The following DTNA variants were observed in gnomAD, a reference collection of about 807,000 sequenced individuals.
The protein encoded by DTNA is dystrobrevin alpha.
A neutral mutation model predicts 100.7 loss-of-function variants in DTNA; 43 were observed. The observed-to-expected ratio is 0.43, with a 90% confidence interval of 0.33 to 0.55. The LOEUF (loss-of-function observed/expected upper bound fraction) is 0.55, where lower values mean the gene tolerates loss of function less well. DTNA is among the 20% of genes least tolerant of loss of function. The pLI, the probability that DTNA is intolerant of heterozygous loss-of-function variation, is 0.04. For missense variants in DTNA, 798 were observed against 953.9 expected (o/e 0.84, Z 2.15); for synonymous variants, 349 against 347.9 (o/e 1.00, Z -0.04).
chr18:34,805,424 A>G (rs1211674985), intron 4 of DTNA, among the ~76,000 whole-genome samples: 1 of 152,226 alleles, frequency 6.6e-6, no homozygotes, highest in East Asian at 1.9e-4. Flanking sequence ...TCCCGGGTTC[A>G]AGCGATTCTT....
intron 1 of DTNA, among the ~76,000 whole-genome samples, chr18:34,661,777 A>C (rs1016765731): frequency 6.6e-6 from 1 of 152,174 alleles, no homozygotes; most frequent in African/African-American, 2.4e-5. Context: ...GATAATGGTC[A>C]GTGAGATCAT....
chr18:34,744,012 AT>A (rs1224001246), intron 1 of DTNA, among the ~76,000 whole-genome samples: 1 of 152,102 alleles, frequency 6.6e-6, no homozygotes, highest in East Asian at 1.9e-4. Flanking sequence ...CACAAGAGCC[AT>A]TATTATTTCC....
At chr18:34,586,972 T>A in intron 1 of DTNA, among the ~76,000 whole-genome samples, 1 of 152,004 alleles carries the variant, frequency 6.6e-6, no homozygotes, top group Non-Finnish European at 1.5e-5. Flanking sequence ...TTTAGTTTTT[T>A]TTTTTTGGAG....
intron 2 of DTNA, among the ~76,000 whole-genome samples, chr18:34,763,674 A>C (rs1363015233): frequency 6.6e-6 from 1 of 152,200 alleles, no homozygotes; most frequent in Non-Finnish European, 1.5e-5. Flanking sequence ...CAGGTAAAGC[A>C]ATAGCTATTT....
chr18:34,801,025 CA>C (rs903599491), intron 4 of DTNA, among the ~76,000 whole-genome samples: 3 of 152,058 alleles, frequency 2.0e-5, no homozygotes, highest in Non-Finnish European at 4.4e-5. Flanking sequence ...TGAAGTAATT[CA>C]AATTTTTAAC....
intron 1 of DTNA, among the ~76,000 whole-genome samples, chr18:34,621,882 C>T (rs1457463699): frequency 1.3e-5 from 2 of 151,906 alleles, no homozygotes; most frequent in African/African-American, 4.8e-5. Context: ...TTAACTATTC[C>T]ACAATGTATA....
intron 2 of DTNA, 152 bp downstream of exon 2, chr18:34,756,195 T>C: frequency 2.5e-6 from 2 of 815,480 alleles, no homozygotes. Flanking sequence ...TTTTTACTTC[T>C]TACTTGGCAA....
intron 21 of DTNA, among the ~76,000 whole-genome samples, 183 bp from the exon 22 acceptor site, chr18:34,884,545 G>T (rs1433115142): frequency 6.6e-6 from 1 of 152,120 alleles, no homozygotes; most frequent in Non-Finnish European, 1.5e-5. Flanking sequence ...ATGTCAAAGT[G>T]GTTTTCCTTG....
rs564270109 is a variant in DTNA, at chr18:34,671,095, T to C, written c.-1-84881T>C. Among the ~76,000 whole-genome samples the C allele has an allele frequency of 4.6e-5, 7 of 152,280 alleles. No individual in the cohort carries two copies. In the East Asian group the frequency reaches 1.4e-3, roughly 29 times the overall value. On this transcript the variant is annotated intron_variant, in intron 1 of 19. Transcript: ENST00000283365. ...CCAGTTCAAGCTTCCCAGCTGCAGC[T>C]TTGTTTACCTACTCAAGCCTCAGCA...
intron 1 of DTNA, among the ~76,000 whole-genome samples, chr18:34,669,927 G>A (rs1011273387): frequency 3.3e-5 from 5 of 152,150 alleles, no homozygotes; most frequent in Non-Finnish European, 5.9e-5. Context: ...TTCTTGAGGA[G>A]TATCTTTGTG....
upstream of DTNA, among the ~76,000 whole-genome samples, chr18:34,706,652 A>G (rs2082159670): frequency 5.9e-5 from 9 of 152,322 alleles, no homozygotes; most frequent in South Asian, 1.7e-3. Context: ...TGATGTACTC[A>G]CAGAAGAAAA....
At chr18:34,785,037 C>T (rs1426949659) in intron 3 of DTNA, among the ~76,000 whole-genome samples, 1 of 151,584 alleles carries the variant, frequency 6.6e-6, no homozygotes, top group African/African-American at 2.4e-5. Flanking sequence ...GCCTCAGCCT[C>T]CCGAGTAGCT....
intron 1 of DTNA, among the ~76,000 whole-genome samples, chr18:34,626,520 T>C (rs77257374): frequency 1.3e-5 from 2 of 152,270 alleles, no homozygotes; most frequent in East Asian, 3.9e-4. Flanking sequence ...GAGGGAAATA[T>C]CTTTGAGAGT....
chr18:34,552,999 G>A (rs1348104811), intron 1 of DTNA, among the ~76,000 whole-genome samples: 7 of 150,638 alleles, frequency 4.6e-5, no homozygotes, highest in African/African-American at 1.5e-4. Flanking sequence ...CACCAACAGT[G>A]TAAAAGTGTT....
At chr18:34,863,581 A>G (rs1374261318) in intron 16 of DTNA, among the ~76,000 whole-genome samples, 1 of 152,194 alleles carries the variant, frequency 6.6e-6, no homozygotes, top group East Asian at 1.9e-4. Context: ...GGGTTCTTAG[A>G]TTTGGAGAAT....
chr18:34,717,056 G>A (rs1261649247), intron 1 of DTNA, among the ~76,000 whole-genome samples: 4 of 152,194 alleles, frequency 2.6e-5, no homozygotes, highest in Non-Finnish European at 5.9e-5. Flanking sequence ...AACTGGGCTT[G>A]AATAACTGGG....
chr18:34,658,519 AT>A (rs34524572), intron 1 of DTNA, among the ~76,000 whole-genome samples: 17,316 of 151,848 alleles, frequency 0.11, 1,478 homozygotes, highest in African/African-American at 0.24. Context: ...TATCTGGCTA[AT>A]TTTTTTGTAT....
At chr18:34,532,254 T>G (rs751210587) in intron 1 of DTNA, among the ~76,000 whole-genome samples, 43 of 152,122 alleles carry the variant, frequency 2.8e-4, no homozygotes, top group Admixed American at 7.9e-4. Flanking sequence ...GACTTCCCTG[T>G]AGAGGTGGGA....
intron 1 of DTNA, among the ~76,000 whole-genome samples, chr18:34,505,720 AT>A (rs540756083): frequency 6.6e-6 from 1 of 151,676 alleles, no homozygotes; most frequent in Non-Finnish European, 1.5e-5. Flanking sequence ...AAAGTTTTAT[AT>A]TTTTTTATTT....
Sources: gnomAD v4.1 joint callset for allele counts (sites outside exome capture counted in the v4.1 genomes callset) on GRCh38, gnomAD v4.1.1 for gene constraint, MANE v1.5 for transcripts, NCBI Gene and HGNC (gene_info 2026-07-23, HGNC 2026-07-21) for gene names.